The following SUMF1 variants were observed in gnomAD, a reference collection of about 807,000 sequenced individuals.
SUMF1 encodes the protein formylglycine-generating enzyme.
In SUMF1, 48 loss-of-function variants were observed where a neutral mutation model predicts 47.6. The observed-to-expected ratio is 1.01, with a 90% CI of 0.80 to 1.28. The LOEUF is 1.28. SUMF1 is among the 50% of genes most tolerant of loss of function. The pLI is 0.00. For missense variants in SUMF1, 571 were observed against 485.4 expected (o/e 1.18, Z -1.66); for synonymous variants, 230 against 192.1 (o/e 1.20, Z -1.63).
At chr3:4,423,383 G>A (rs1479937004) in intron 3 of SUMF1, among the ~76,000 whole-genome samples, 3 of 151,962 alleles carry the variant, frequency 2.0e-5, no homozygotes, top group Admixed American at 2.0e-4. Context: ...TGGGATTGGA[G>A]CCTACCCCTT....
chr3:4,278,167 T>A (rs1202484448), intron 8 of SUMF1, among the ~76,000 whole-genome samples: 1 of 152,036 alleles, frequency 6.6e-6, no homozygotes, highest in Non-Finnish European at 1.5e-5. Context: ...TCTTTTTGGA[T>A]GGCATATGAG....
intron 9 of SUMF1, among the ~76,000 whole-genome samples, chr3:4,054,724 A>G (rs2125024783): frequency 6.6e-6 from 1 of 152,284 alleles, no homozygotes; most frequent in South Asian, 2.1e-4. Context: ...TTGACCCAGA[A>G]TCCCAGAGAA....
At chr3:4,064,686 GA>G (rs1171536650) in intron 9 of SUMF1, among the ~76,000 whole-genome samples, 1 of 152,120 alleles carries the variant, frequency 6.6e-6, no homozygotes, top group Non-Finnish European at 1.5e-5. Flanking sequence ...GATAACAGGA[GA>G]ATGGCATGAA....
intron 8 of SUMF1, among the ~76,000 whole-genome samples, chr3:4,069,876 C>G (rs767539738): frequency 4.6e-5 from 7 of 152,148 alleles, no homozygotes; most frequent in Non-Finnish European, 8.8e-5. Context: ...AAATCCACAT[C>G]CTATAGAGAA....
At chr3:4,174,557 ATG>A (rs938180029) in intron 8 of SUMF1, among the ~76,000 whole-genome samples, 14 of 18,784 alleles carry the variant, frequency 7.5e-4, no homozygotes, top group Non-Finnish European at 1.4e-3. Flanking sequence ...ACACACACAC[ATG>A]GGGGGCGTTC....
intron 1 of SUMF1, among the ~76,000 whole-genome samples, chr3:4,455,671 T>G (rs1317380615): frequency 6.6e-6 from 1 of 152,130 alleles, no homozygotes; most frequent in Non-Finnish European, 1.5e-5. Flanking sequence ...GAGCTGAGAT[T>G]GCACCACTGT....
At chr3:4,229,410 T>A in intron 8 of SUMF1, 5 of 348,868 alleles carry the variant, frequency 1.4e-5, no homozygotes, top group South Asian at 1.1e-4. Flanking sequence ...GTCTTAGCCA[T>A]GTCATTTCTC....
rs1371176410 is a variant in SUMF1 at position 4,303,591 on chromosome 3, C to A, written c.1014+72739G>T. 3.6e-6 allele frequency: 5 copies of A among 1,375,784 alleles called. No individual in the cohort carries two copies. In the South Asian group the frequency reaches 8.6e-5, roughly 24 times the overall value. The allele number at this position is 1,375,784 out of a possible 1,614,324, so 85.2% of individuals were successfully genotyped here. ...GCTCCCCCACGTGGTCTCCTCAAGC[C>A]GCCTCGCTGGGACGGCCTCCCAGTC... On this transcript the variant is annotated intron_variant and NMD_transcript_variant, in intron 8 of 12. Transcript: ENST00000448413.
At chr3:4,242,386 C>T (rs976336670) in intron 8 of SUMF1, among the ~76,000 whole-genome samples, 1 of 152,110 alleles carries the variant, frequency 6.6e-6, no homozygotes. Context: ...AGCTTTTGCC[C>T]ATTCAGTATG....
At position 4,051,571 on chromosome 3, in the gene SUMF1, C is replaced by T. The variant is rs144398166; in HGVS notation, c.1191+16998G>A. On this transcript the variant is annotated intron_variant and NMD_transcript_variant, in intron 9 of 12. Transcript: ENST00000448413. ...GGAGAAGCACATGTTAAAGTTGTAACGTTTCTAAATAGACGTACCATGTAA... is the reference window on the plus strand; with the variant it reads ...GGAGAAGCACATGTTAAAGTTGTAATGTTTCTAAATAGACGTACCATGTAA... Among the ~76,000 whole-genome samples, 649 of 152,266 alleles carry T rather than the reference C, an allele frequency of 4.3e-3. 6 individuals carry two copies. Among genetic ancestry groups the T allele is most frequent in the African/African-American group, 0.014 (589 of 41,560 alleles).
chr3:4,097,864 C>G (rs1692941267), intron 8 of SUMF1, among the ~76,000 whole-genome samples: 1 of 152,118 alleles, frequency 6.6e-6, no homozygotes, highest in South Asian at 2.1e-4. Flanking sequence ...ATCAGACTGA[C>G]AGCAGTCAAG....
At chr3:4,212,287 C>A (rs952181797) in intron 8 of SUMF1, among the ~76,000 whole-genome samples, 1 of 152,168 alleles carries the variant, frequency 6.6e-6, no homozygotes, top group Non-Finnish European at 1.5e-5. Flanking sequence ...CCCAGGCAAA[C>A]AGCATCGGGA....
intron 8 of SUMF1, among the ~76,000 whole-genome samples, chr3:4,304,900 AGAG>A: frequency 6.6e-6 from 1 of 151,860 alleles, no homozygotes; most frequent in Non-Finnish European, 1.5e-5. Context: ...TGTTTGGGAG[AGAG>A]GAGACGTCAA....
chr3:4,172,426 CTGA>C, intron 8 of SUMF1, among the ~76,000 whole-genome samples: 1 of 152,120 alleles, frequency 6.6e-6, no homozygotes, highest in South Asian at 2.1e-4. Context: ...TAAAATCCAC[CTGA>C]TAATAGCAGC....
intron 8 of SUMF1, among the ~76,000 whole-genome samples, chr3:4,075,271 G>C (rs1211953162): frequency 6.6e-6 from 1 of 151,912 alleles, no homozygotes; most frequent in African/African-American, 2.4e-5. Flanking sequence ...ATACAAAAGA[G>C]GACTTGACAA....
chr3:4,169,861 A>T (rs950825714), intron 8 of SUMF1, among the ~76,000 whole-genome samples: 11 of 152,232 alleles, frequency 7.2e-5, no homozygotes, highest in Non-Finnish European at 4.4e-5. Context: ...AAACTTCAGC[A>T]CTGCAAAAGC....
rs938115530 is a variant in SUMF1 at position 4,203,872 on chromosome 3, A to C, written c.1015-135127T>G. 1.4e-4 allele frequency among the ~76,000 whole-genome samples: 22 copies of C among 151,820 alleles called. No individual in the cohort carries two copies. The South Asian group carries it at 3.1e-3, about 21-fold the overall frequency. ...ACAAGCAAACAGAAGACTAAAAAAAACTCACAATTTAATTTCAACCCCCTG... is the reference window on the plus strand; with the variant it reads ...ACAAGCAAACAGAAGACTAAAAAAACCTCACAATTTAATTTCAACCCCCTG... On this transcript the variant is annotated intron_variant and NMD_transcript_variant, in intron 8 of 12. Coordinates refer to the SUMF1 transcript ENST00000448413.
intron 8 of SUMF1, among the ~76,000 whole-genome samples, chr3:4,314,887 C>CTA (rs1698574215): frequency 6.6e-6 from 1 of 152,148 alleles, no homozygotes; most frequent in African/African-American, 2.4e-5. Flanking sequence ...AACCCTACCA[C>CTA]TAGGAGGCCC....
intron 8 of SUMF1, among the ~76,000 whole-genome samples, chr3:4,214,908 C>G (rs1047696443): frequency 6.6e-6 from 1 of 152,068 alleles, no homozygotes; most frequent in Non-Finnish European, 1.5e-5. Flanking sequence ...TAATTAATAG[C>G]CCACCAACCA....
Sources: allele counts gnomAD v4.1 joint callset (sites outside exome capture counted in the v4.1 genomes callset), GRCh38; gene constraint gnomAD v4.1.1; transcripts MANE v1.5; gene names NCBI Gene and HGNC (gene_info 2026-07-23, HGNC 2026-07-21).